Variants in KCNAB1 observed in about 807,000 individuals in gnomAD.
KCNAB1 encodes the protein voltage-gated potassium channel subunit beta-1.
A neutral mutation model predicts 64.6 loss-of-function variants in KCNAB1; 35 were observed. That is an observed-to-expected ratio of 0.54 (90% CI 0.41 to 0.72). The LOEUF (loss-of-function observed/expected upper bound fraction) is 0.72. KCNAB1 is among the 30% of genes least tolerant of loss of function. The pLI, the probability that KCNAB1 is intolerant of heterozygous loss-of-function variation, is 0.00. For missense variants in KCNAB1, 401 were observed against 512.9 expected (o/e 0.78, Z 2.11); for synonymous variants, 177 against 183.8 (o/e 0.96, Z 0.30).
chr3:156,386,971 T>TCTTG (rs1188001997), intron 1 of KCNAB1, among the ~76,000 whole-genome samples: 22 of 151,970 alleles, frequency 1.4e-4, no homozygotes, highest in African/African-American at 5.1e-4. Context: ...ATTCATTCAT[T>TCTTG]CTTGCTTGCT....
At chr3:156,354,120 G>GTATATA (rs34730584) in intron 1 of KCNAB1, among the ~76,000 whole-genome samples, 1,726 of 132,526 alleles carry the variant, frequency 0.013, 23 homozygotes, top group African/African-American at 0.029. Context: ...ATGTGTGTGT[G>GTATATA]TATATATATA....
intron 1 of KCNAB1, among the ~76,000 whole-genome samples, chr3:156,220,346 C>G (rs140074970): frequency 0.016 from 2,403 of 152,284 alleles, 47 homozygotes; most frequent in Non-Finnish European, 0.019. Context: ...AGTGTAAAAG[C>G]ATTCCTATTT....
intron 2 of KCNAB1, among the ~76,000 whole-genome samples, chr3:156,438,892 T>C (rs1234260934): frequency 6.6e-6 from 1 of 152,126 alleles, no homozygotes; most frequent in Non-Finnish European, 1.5e-5. Flanking sequence ...CGTGTGCCTA[T>C]AGTTCCAGCT....
intron 1 of KCNAB1, among the ~76,000 whole-genome samples, chr3:156,157,259 C>T (rs1715777751): frequency 6.6e-6 from 1 of 152,142 alleles, no homozygotes; most frequent in South Asian, 2.1e-4. Context: ...AAATTTAATT[C>T]TGAACTCCTA....
rs370741753 is a variant in KCNAB1, at chr3:156,531,390, C to T, written c.1082-19C>T. 6.3e-7 allele frequency: 1 copy of T among 1,581,320 alleles called. No homozygotes were observed. Among genetic ancestry groups the T allele is most frequent in the Non-Finnish European group, 8.7e-7 (1 of 1,150,104 alleles). ...TTGGAAGTGCTTTGATAAACTGACC[C>T]AGTGTCCTCTCCTCCCAGCGTGGTG... is the stretch of plus-strand genomic sequence containing the variant. On this transcript the variant is annotated intron_variant, in intron 12 of 13. Transcript: ENST00000490337.
intron 1 of KCNAB1, among the ~76,000 whole-genome samples, chr3:156,161,076 C>G (rs1213168785): frequency 1.3e-5 from 2 of 152,208 alleles, no homozygotes; most frequent in African/African-American, 2.4e-5. Flanking sequence ...GACTTTAAAG[C>G]AACTCCTTAA....
intron 1 of KCNAB1, among the ~76,000 whole-genome samples, chr3:156,259,783 G>A (rs191288993): frequency 7.9e-5 from 12 of 152,206 alleles, no homozygotes; most frequent in Admixed American, 7.2e-4. Flanking sequence ...ATCAGCTCTC[G>A]CTCTGTGACC....
At chr3:156,135,461 A>G (rs1019843053) in intron 1 of KCNAB1, among the ~76,000 whole-genome samples, 14 of 152,170 alleles carry the variant, frequency 9.2e-5, no homozygotes, top group Admixed American at 4.6e-4. Context: ...CCTTACAATA[A>G]TGACTGCTTA....
At chr3:156,334,713 A>G (rs1374129703) in intron 1 of KCNAB1, among the ~76,000 whole-genome samples, 1 of 152,118 alleles carries the variant, frequency 6.6e-6, no homozygotes, top group Non-Finnish European at 1.5e-5. Context: ...ACCAATAGAA[A>G]TCAACACCGG....
intron 1 of KCNAB1, among the ~76,000 whole-genome samples, chr3:156,389,386 A>G (rs563077047): frequency 1.0e-3 from 158 of 152,290 alleles, no homozygotes; most frequent in African/African-American, 2.9e-3. Flanking sequence ...CACCCCAGCA[A>G]GAAGTCAATT....
rs4056995 is a variant in KCNAB1, at chr3:156,428,488, T to TACACACACACACACACAC, written c.319+6858_319+6875dup. On this transcript the variant is annotated intron_variant, in intron 2 of 13. Transcript: ENST00000490337. ...GAGCCAATTCCTTATAATTCCTCTATACACACACACACACACACACACACA... is the reference window on the plus strand; with the variant it reads ...GAGCCAATTCCTTATAATTCCTCTATACACACACACACACACACACACACACACACACACACACACACA... 9.4e-3 allele frequency among the ~76,000 whole-genome samples: 1,195 copies of TACACACACACACACACAC among 127,522 alleles called. 20 individuals are homozygous for TACACACACACACACACAC. The highest frequency in any genetic ancestry group is 0.024 in the South Asian group (88 of 3,624). The allele number at this position is 127,522 out of a possible 152,430, so 83.7% of individuals were successfully genotyped here.
At chr3:156,300,628 AT>A (rs1432288556) in intron 1 of KCNAB1, among the ~76,000 whole-genome samples, 1 of 152,086 alleles carries the variant, frequency 6.6e-6, no homozygotes, top group Non-Finnish European at 1.5e-5. Flanking sequence ...AGGAAAAAAA[AT>A]GTTTTTCATA....
intron 4 of KCNAB1, among the ~76,000 whole-genome samples, chr3:156,458,721 C>T (rs1712648860): frequency 6.6e-6 from 1 of 152,126 alleles, no homozygotes; most frequent in South Asian, 2.1e-4. Context: ...TTGTGGAATC[C>T]TGCTTAGTAC....
intron 1 of KCNAB1, among the ~76,000 whole-genome samples, chr3:156,420,079 T>C (rs1038145797): frequency 2.6e-5 from 4 of 152,262 alleles, no homozygotes; most frequent in South Asian, 4.1e-4. Flanking sequence ...TTTCTTCCAG[T>C]TGGACATGTC....
chr3:156,393,436 T>A (rs1713191983), intron 1 of KCNAB1, among the ~76,000 whole-genome samples: 1 of 152,158 alleles, frequency 6.6e-6, no homozygotes, highest in Non-Finnish European at 1.5e-5. Flanking sequence ...GCCACCTGAC[T>A]GCCAGGTCTC....
Position 156,377,983 on chromosome 3 carries a change from G to A in KCNAB1, c.276-43633G>A, listed in dbSNP as rs553832230. ...AAGTCTCCGGGGAGGTGCTATGGAA[G>A]GTGTGGTATGCATGGGGAGGAGCCC... On this transcript the variant is annotated intron_variant, in intron 1 of 13. Transcript: ENST00000490337. Among the ~76,000 whole-genome samples, 4 of 152,136 alleles carry A rather than the reference G, an allele frequency of 2.6e-5. No individual in the cohort carries two copies. In the South Asian group the frequency reaches 8.3e-4, roughly 32 times the overall value.
chr3:156,241,041 T>A (rs1381887239), intron 1 of KCNAB1, among the ~76,000 whole-genome samples: 1 of 152,188 alleles, frequency 6.6e-6, no homozygotes, highest in Non-Finnish European at 1.5e-5. Context: ...ATCAGCCACT[T>A]ACTGAAGGCT....
At chr3:156,128,233 G>A (rs553611552) in intron 1 of KCNAB1, among the ~76,000 whole-genome samples, 17 of 152,272 alleles carry the variant, frequency 1.1e-4, no homozygotes, top group African/African-American at 4.1e-4. Context: ...GACTAGACGA[G>A]ATGATCCCTT....
chr3:156,144,496 T>A (rs1714925257), intron 1 of KCNAB1, among the ~76,000 whole-genome samples: 1 of 152,206 alleles, frequency 6.6e-6, no homozygotes, highest in Non-Finnish European at 1.5e-5. Flanking sequence ...TCTCAATTTA[T>A]AAGGAGGATA....
Sources: gnomAD v4.1 joint callset for allele counts (sites outside exome capture counted in the v4.1 genomes callset) on GRCh38, gnomAD v4.1.1 for gene constraint, MANE v1.5 for transcripts, NCBI Gene and HGNC (gene_info 2026-07-23, HGNC 2026-07-21) for gene names.